Variants in FRMD7 observed in about 807,000 individuals in gnomAD.
FRMD7 encodes the protein FERM domain containing 7.
Under a neutral mutation model 44.1 loss-of-function variants are expected in FRMD7, and 14 were observed. The observed-to-expected ratio is 0.32, with a 90% CI of 0.21 to 0.50. The LOEUF (loss-of-function observed/expected upper bound fraction) is 0.50. Among genes scored for constraint, FRMD7 ranks in the 20% least tolerant of loss-of-function variants. FRMD7 has a pLI of 0.99. For missense variants in FRMD7, 501 were observed against 522.3 expected, an observed-to-expected ratio of 0.96 and a Z score of 0.40; for synonymous variants, 212 against 187.4, an observed-to-expected ratio of 1.13 and a Z score of -1.07.
At chrX:132,113,662 A>G (rs1421889169) in intron 1 of FRMD7, among the ~76,000 whole-genome samples, 1 of 111,279 alleles carries the variant, frequency 9.0e-6, no homozygotes, top group Non-Finnish European at 1.9e-5. Flanking sequence ...GTGGGTACAT[A>G]GTAGTCGTAT....
rs201304770 is a variant in FRMD7 at position 132,126,952 on chromosome X, G to A, written c.57+836C>T. On this transcript the variant is annotated intron_variant, in intron 1 of 11. Transcript: ENST00000298542. ...ACAACATCATGGCTGAGCCACAGCA[G>A]TTGTCAGTTTATGTATAAAAGAAAA... Among the ~76,000 whole-genome samples, 7 of 112,575 alleles carry A rather than the reference G, an allele frequency of 6.2e-5. No individual in the cohort carries two copies. The East Asian group carries it at 1.9e-3, about 31-fold the overall frequency.
intron 2 of FRMD7, 106 bp downstream of exon 2, chrX:132,100,506 T>C (rs760231004): frequency 4.0e-5 from 23 of 577,947 alleles, no homozygotes; most frequent in Non-Finnish European, 5.4e-5. Context: ...AGGGTGCACA[T>C]AGTTTTTCAT....
At position 132,097,373 on chromosome X, in the gene FRMD7, A is replaced by C. The variant is rs1928368783; in HGVS notation, c.206-29T>G. 7 of 879,721 alleles carry C rather than the reference A, an allele frequency of 8.0e-6. No individual in the cohort carries two copies. In the Admixed American group the frequency reaches 1.5e-4, roughly 19 times the overall value. The allele number at this position is 879,721 out of a possible 1,213,427, so 72.5% of individuals were successfully genotyped here. A position where few individuals can be genotyped will look rare whatever the true frequency, so the allele number is the denominator to read the frequency against. ...AAAACACAATATCTCCATAAGTTTTATTTAAATGTCCATCACAACAGTTAT... is the reference window on the plus strand; with the variant it reads ...AAAACACAATATCTCCATAAGTTTTCTTTAAATGTCCATCACAACAGTTAT... On this transcript the variant is annotated intron_variant, in intron 3 of 11. Transcript: ENST00000298542.
chrX:132,078,624 T>A lies in FRMD7; in HGVS notation c.1393A>T (p.Ser465Cys). Residue 465 changes from serine (S) to cysteine (C), a missense_variant, in exon 12 of 12, where the codon AGC (serine) becomes TGC (cysteine). By Grantham distance (112) the Ser-to-Cys change is moderately radical. This residue lies in a region of FRMD7 where 453 missense variants were observed against 452.7 expected (regional missense o/e 1.00). Coordinates refer to ENST00000298542, the MANE Select transcript of FRMD7 (RefSeq NM_194277.3). The part of the protein sequence containing the change: ...NHMSIYSGLT[S>C]KVRPAKQLTY... The stretch of plus-strand genomic sequence containing the variant: ...AGCTGCTTTGCTGGACGCACTTTGC[T>A]TGTGAGGCCAGAATATATGCTCATG... 7 of 1,211,196 alleles carry A rather than the reference T, an allele frequency of 5.8e-6. No individual in the cohort carries two copies. Among genetic ancestry groups the A allele is most frequent in the Non-Finnish European group, 7.8e-6 (7 of 894,882 alleles).
chrX:132,116,652 C>A (rs1391654925), intron 1 of FRMD7, among the ~76,000 whole-genome samples: 3 of 111,320 alleles, frequency 2.7e-5, no homozygotes, highest in East Asian at 2.8e-4. Context: ...ACAACACACA[C>A]TGGGGCCCGT....
rs573381207 is a variant in FRMD7, at chrX:132,108,725, G to A, written c.58-8009C>T. Among the ~76,000 whole-genome samples the A allele has an allele frequency of 1.2e-3, 134 of 111,302 alleles. 5 individuals carry two copies. In the South Asian group the frequency reaches 0.051, roughly 42 times the overall value. On this transcript the variant is annotated intron_variant, in intron 1 of 11. Coordinates refer to ENST00000298542, the MANE Select transcript of FRMD7 (RefSeq NM_194277.3). ...AATTATAATAATCCCCATGTGTCAA[G>A]GGCGGGACCAGATGAAGGTAATTGG...
At chrX:132,098,353 G>C (rs1023654127) in intron 3 of FRMD7, among the ~76,000 whole-genome samples, 1 of 112,483 alleles carries the variant, frequency 8.9e-6, no homozygotes, top group Non-Finnish European at 1.9e-5. Context: ...GACAAGGCTA[G>C]GAAGGTAGCC....
chrX:132,127,744 T>C (rs1352217681), intron 1 of FRMD7, 44 bp downstream of exon 1: 2 of 1,024,290 alleles, frequency 2.0e-6, no homozygotes. Context: ...TGACAATTAT[T>C]GAATGAATAA....
At chrX:132,095,564 A>T (rs1178807995) in intron 4 of FRMD7, among the ~76,000 whole-genome samples, 1 of 112,425 alleles carries the variant, frequency 8.9e-6, no homozygotes, top group South Asian at 3.6e-4. Context: ...ATCTAGATTG[A>T]AAAAGCAAGT....
chrX:132,083,361 G>T (rs1171928006), intron 8 of FRMD7, among the ~76,000 whole-genome samples: 1 of 111,316 alleles, frequency 9.0e-6, no homozygotes, highest in Non-Finnish European at 1.9e-5. Flanking sequence ...TGGCTTTCCA[G>T]ACCTAAAGTT....
intron 1 of FRMD7, among the ~76,000 whole-genome samples, chrX:132,103,524 CT>C (rs1332610310): frequency 9.1e-6 from 1 of 109,871 alleles, no homozygotes; most frequent in Non-Finnish European, 1.9e-5. Context: ...ATCTATCTAT[CT>C]ATCTATCTCT....
intron 1 of FRMD7, among the ~76,000 whole-genome samples, chrX:132,118,220 T>C (rs2124018669): frequency 9.0e-6 from 1 of 110,939 alleles, no homozygotes; most frequent in East Asian, 2.8e-4. Context: ...TTACTTGCAG[T>C]TGTATGACCT....
At chrX:132,097,204 A>G (rs887476456) in intron 4 of FRMD7, 62 bp downstream of exon 4, 15 of 847,777 alleles carry the variant, frequency 1.8e-5, no homozygotes, top group African/African-American at 1.4e-4. Flanking sequence ...CTTGCCCCCA[A>G]TAAATGGAGA....
chrX:132,111,166 G>C (rs1928769329), intron 1 of FRMD7, among the ~76,000 whole-genome samples: 1 of 112,179 alleles, frequency 8.9e-6, no homozygotes, highest in South Asian at 3.7e-4. Flanking sequence ...GCAAGATTCT[G>C]TCTCAAATAA....
At chrX:132,085,888 G>A (rs774822965) in intron 6 of FRMD7, 32 bp downstream of exon 6, 1 of 1,045,901 alleles carries the variant, frequency 9.6e-7, no homozygotes, top group Non-Finnish European at 1.3e-6. Flanking sequence ...GTTCTCTACT[G>A]GGGGAAGCAG....
intron 1 of FRMD7, among the ~76,000 whole-genome samples, chrX:132,102,199 G>T (rs552403927): frequency 9.1e-6 from 1 of 110,460 alleles, no homozygotes; most frequent in Non-Finnish European, 1.9e-5. Flanking sequence ...TTCCCCCACC[G>T]TCCAAAAATA....
chrX:132,081,623 C>T (rs1476300713), intron 9 of FRMD7, among the ~76,000 whole-genome samples: 3 of 112,458 alleles, frequency 2.7e-5, no homozygotes, highest in Non-Finnish European at 5.6e-5. Flanking sequence ...TTTAACAGAT[C>T]TTAATTTTTA....
At chrX:132,083,529 A>C (rs909220673) in intron 8 of FRMD7, among the ~76,000 whole-genome samples, 1 of 111,419 alleles carries the variant, frequency 9.0e-6, no homozygotes, top group Non-Finnish European at 1.9e-5. Flanking sequence ...TGAGCTTCAC[A>C]CTAAGTCCAG....
intron 5 of FRMD7, among the ~76,000 whole-genome samples, chrX:132,093,735 C>T (rs758694240): frequency 8.9e-6 from 1 of 112,391 alleles, no homozygotes; most frequent in South Asian, 3.7e-4. Context: ...CTGGCAAAGC[C>T]CATGCCCAAA....
Sources: gnomAD v4.1 joint callset for allele counts (sites outside exome capture counted in the v4.1 genomes callset) on GRCh38, gnomAD v4.1.1 for gene constraint, gnomAD v4.1.1 regional missense constraint, MANE v1.5 for transcripts, NCBI Gene and HGNC (gene_info 2026-07-23, HGNC 2026-07-21) for gene names.